ATAT1: variants seen among roughly 807,000 people sequenced by gnomAD.
ATAT1 encodes the protein alpha-tubulin N-acetyltransferase 1.
Under a neutral mutation model 57.2 loss-of-function variants are expected in ATAT1, and 42 were observed. That is an observed-to-expected ratio of 0.73 (90% CI 0.57 to 0.95). ATAT1 has a LOEUF of 0.95. ATAT1 is among the 40% of genes least tolerant of loss of function. The pLI is 0.00. For synonymous variants in ATAT1, 168 were observed against 187.1 expected (o/e 0.90, Z 0.83); for missense variants, 454 against 523.7 (o/e 0.87, Z 1.30).
intron 6 of ATAT1, among the ~76,000 whole-genome samples, chr6:30,633,283 G>T (rs1266355393): frequency 1.3e-5 from 2 of 152,154 alleles, no homozygotes; most frequent in African/African-American, 2.4e-5. Flanking sequence ...ATATGTCCAG[G>T]TTTGAGTAGA....
intron 10 of ATAT1, chr6:30,643,476 G>A (rs1204896650): frequency 9.2e-6 from 14 of 1,524,354 alleles, no homozygotes; most frequent in South Asian, 3.7e-5. Flanking sequence ...TCTCTCCCCC[G>A]CCCCCCGCCA....
At position 30,642,832 on chromosome 6, in the gene ATAT1, A is replaced by ACCCCCCCCCCCC; in HGVS notation, c.753_754insCCCCCCCCCCCC (p.Pro251_Ala252insProProProPro). On this transcript the variant is annotated inframe_insertion, in exon 10 of 13. Coordinates refer to ENST00000330083, the MANE Select transcript of ATAT1 (RefSeq NM_001031722.4). ...GGGCCCCTCGCCGCGCCACACCTCCAGCCCACCCACCCCCCCGCTCCAGCA... is the reference window on the plus strand; with the variant it reads ...GGGCCCCTCGCCGCGCCACACCTCCACCCCCCCCCCCCGCCCACCCACCCCCCCGCTCCAGCA... The ACCCCCCCCCCCC allele has an allele frequency of 8.1e-7, 1 of 1,230,748 alleles. No individual in the cohort carries two copies. The highest frequency in any genetic ancestry group is 1.1e-6 in the Non-Finnish European group (1 of 892,688). 76.2% of individuals were successfully genotyped at this position (1,230,748 alleles called of 1,614,324 possible).
chr6:30,645,832 C>T (rs960937356), intron 10 of ATAT1, 63 bp from the exon 11 acceptor site: 124 of 1,248,588 alleles, frequency 9.9e-5, no homozygotes, highest in Non-Finnish European at 1.3e-4. Context: ...CCTCTGATTC[C>T]TCCATACCCA....
In ATAT1 at chr6:30,642,833, G is replaced by GGGGGCGCCCCCCCCCCCCCCC; in HGVS notation, c.754_755insGGGGCGCCCCCCCCCCCCCCC (p.Ala252delinsGlyGlyAlaProProProProPro). On this transcript the variant is annotated protein_altering_variant, in exon 10 of 13. Coordinates refer to ENST00000330083, the MANE Select transcript of ATAT1 (RefSeq NM_001031722.4). ...GGCCCCTCGCCGCGCCACACCTCCA[G>GGGGGCGCCCCCCCCCCCCCCC]CCCACCCACCCCCCCGCTCCAGCAG... is the stretch of plus-strand genomic sequence containing the variant. 1 of 1,537,874 alleles carries GGGGGCGCCCCCCCCCCCCCCC rather than the reference G, an allele frequency of 6.5e-7. No individual in the cohort carries two copies. The highest frequency in any genetic ancestry group is 8.7e-7 in the Non-Finnish European group (1 of 1,145,782).
intron 8 of ATAT1, among the ~76,000 whole-genome samples, chr6:30,641,116 T>A (rs3130038): frequency 6.7e-6 from 1 of 148,580 alleles, no homozygotes; most frequent in African/African-American, 2.5e-5. Flanking sequence ...TATACACACA[T>A]ACACACACAC....
chr6:30,638,670 A>C (rs1238541381), intron 6 of ATAT1, among the ~76,000 whole-genome samples: 1 of 150,596 alleles, frequency 6.6e-6, no homozygotes, highest in Non-Finnish European at 1.5e-5. Flanking sequence ...CCTCTTGAGT[A>C]AACTCTTAAT....
Position 30,626,965 on chromosome 6 carries a change from G to A in ATAT1, c.-239G>A, listed in dbSNP as rs753409089. 4 of 1,604,098 alleles carry A rather than the reference G, an allele frequency of 2.5e-6. No individual in the cohort carries two copies. On this transcript the variant is annotated 5_prime_UTR_variant, in exon 1 of 13. Coordinates refer to ENST00000330083, the MANE Select transcript of ATAT1 (RefSeq NM_001031722.4). ...GACCAGCACCTGAGGCCCCCAGCCC[G>A]CCGACCCGGAACCACAACGCCGGCC...
intron 9 of ATAT1, among the ~76,000 whole-genome samples, chr6:30,642,471 C>T (rs1246284135): frequency 2.0e-5 from 3 of 152,012 alleles, no homozygotes; most frequent in South Asian, 2.1e-4. Context: ...GGTGAAACCC[C>T]GTCTCTACTA....
Position 30,646,776 on chromosome 6 carries a change from T to C in ATAT1, c.*133T>C, listed in dbSNP as rs1426173345. ...AGCAGGCTTATCAGATTCAAGTCAT[T>C]TGTATCTTTTAACCAGACCAATAAA... On this transcript the variant is annotated 3_prime_UTR_variant, in exon 13 of 13. Transcript: ENST00000330083. 7.6e-7 allele frequency: 1 copy of C among 1,320,452 alleles called. No homozygotes were observed. Among genetic ancestry groups the C allele is most frequent in the Non-Finnish European group, 1.0e-6 (1 of 999,362 alleles). The allele number at this position is 1,320,452 out of a possible 1,614,324, so 81.8% of individuals were successfully genotyped here.
chr6:30,632,746 A>G (rs1763178680), intron 6 of ATAT1, among the ~76,000 whole-genome samples: 1 of 151,534 alleles, frequency 6.6e-6, no homozygotes. Flanking sequence ...CAGTCTGGCT[A>G]ACATGGTGAA....
At chr6:30,640,306 G>A (rs1765135103) in intron 6 of ATAT1, 71 bp from the exon 7 acceptor site, 1 of 1,522,328 alleles carries the variant, frequency 6.6e-7, no homozygotes, top group Non-Finnish European at 9.1e-7. Flanking sequence ...ATCACCCAAT[G>A]ACGTATTTCT....
intron 6 of ATAT1, among the ~76,000 whole-genome samples, chr6:30,637,080 C>T (rs1561913055): frequency 1.3e-5 from 2 of 152,030 alleles, no homozygotes; most frequent in African/African-American, 2.4e-5. Context: ...CGATTACAGC[C>T]GTGAGCCACC....
At position 30,628,124 on chromosome 6, in the gene ATAT1, A is replaced by G. The variant is rs759488984; in HGVS notation, c.378A>G (p.Glu126=). The change falls in exon 5 of 13, where the codon GAA becomes GAG. Residue 126 remains glutamate, a synonymous_variant. Transcript: ENST00000330083. Reference sequence around the variant, plus strand: ...TGCAACGCCATGGCCATGGGCGAGAACTCTTCCAGTATATGTTGCAGGTAT... The same window carrying G: ...TGCAACGCCATGGCCATGGGCGAGAGCTCTTCCAGTATATGTTGCAGGTAT... The G allele has an allele frequency of 1.9e-6, 3 of 1,612,788 alleles. No homozygotes were observed. The highest frequency in any genetic ancestry group is 1.7e-5 in the Admixed American group (1 of 60,004).
intron 10 of ATAT1, among the ~76,000 whole-genome samples, chr6:30,645,116 G>A (rs1368195712): frequency 6.6e-6 from 1 of 152,146 alleles, no homozygotes; most frequent in East Asian, 1.9e-4. Flanking sequence ...TCCATTGAGA[G>A]TGCAACACAG....
chr6:30,646,377 A>G (rs1202388092), intron 12 of ATAT1, 92 bp from the exon 13 acceptor site: 1 of 1,451,556 alleles, frequency 6.9e-7, no homozygotes, highest in Non-Finnish European at 9.1e-7. Context: ...TGTGTCCTAC[A>G]TTAAAACCTG....
chr6:30,640,555 A>C lies in ATAT1; in HGVS notation c.568A>C (p.Arg190=). 1 of 1,612,880 alleles carries C rather than the reference A, an allele frequency of 6.2e-7. No homozygotes were observed. Among genetic ancestry groups the C allele is most frequent in the Non-Finnish European group, 8.5e-7 (1 of 1,179,974 alleles). Residue 190 remains arginine, a synonymous_variant, in exon 8 of 13, where the codon AGG becomes CGG. Transcript: ENST00000330083. ...CACAGGGCCCCCTGCTCCCTCTCTG[A>C]GGGCAACTCGACACTCTCGTGCTGC...
In ATAT1 at chr6:30,646,675, A is replaced by G. The variant is rs761950453; in HGVS notation, c.*32A>G. The G allele has an allele frequency of 1.9e-5, 28 of 1,512,500 alleles. No individual in the cohort carries two copies. The highest frequency in any genetic ancestry group is 2.5e-5 in the Non-Finnish European group (28 of 1,124,236). The allele number at this position is 1,512,500 out of a possible 1,614,324, so 93.7% of individuals were successfully genotyped here. ...CCCCGTCAAACATCTTCAAAGTATT[A>G]TTTCTCCCTCACTACAGGAAAGAGC... On this transcript the variant is annotated 3_prime_UTR_variant, in exon 13 of 13. Transcript: ENST00000330083.
At chr6:30,632,527 G>A (rs962559315) in intron 6 of ATAT1, among the ~76,000 whole-genome samples, 8 of 152,002 alleles carry the variant, frequency 5.3e-5, no homozygotes, top group Non-Finnish European at 1.0e-4. Flanking sequence ...AGCTGAGATC[G>A]CACTACTGCA....
At position 30,627,865 on chromosome 6, in the gene ATAT1, C is replaced by T. The variant is rs758747934; in HGVS notation, c.239C>T (p.Ala80Val). ...CCGTCCTACAGGGCTGGAAAAGGAG[C>T]CATTATTGGTTTCATCAAAGTTGGA... The change falls in exon 4 of 13, where the codon GCC becomes GTC. Residue 80 changes from alanine to valine, a missense_variant. Ala to Val is a moderately conservative substitution (Grantham distance 64). This residue lies in a region of ATAT1 where 236 missense variants were observed against 284.5 expected (regional missense o/e 0.83). Coordinates refer to ENST00000330083, the MANE Select transcript of ATAT1 (RefSeq NM_001031722.4). 1.3e-5 allele frequency: 21 copies of T among 1,612,914 alleles called. No individual in the cohort carries two copies. In the South Asian group the frequency reaches 1.3e-4, roughly 10 times the overall value.
Sources: allele counts gnomAD v4.1 joint callset (sites outside exome capture counted in the v4.1 genomes callset), GRCh38; gene constraint gnomAD v4.1.1; regional missense constraint gnomAD v4.1.1; transcripts MANE v1.5; gene names NCBI Gene and HGNC (gene_info 2026-07-23, HGNC 2026-07-21).